Variants in PMVK observed in about 807,000 individuals in gnomAD.
The protein encoded by PMVK is testis tissue sperm-binding protein Li 95mP.
In PMVK, 10 loss-of-function variants were observed where a neutral mutation model predicts 19.0. That is an observed-to-expected ratio of 0.53 (90% CI 0.32 to 0.89). PMVK has a LOEUF of 0.89. Ranked by LOEUF, PMVK falls within the 40% of genes least tolerant of loss-of-function variation. PMVK has a pLI of 0.03. For missense variants in PMVK, 222 were observed against 251.1 expected (o/e 0.88, Z 0.78); for synonymous variants, 108 against 101.6 (o/e 1.06, Z -0.38).
chr1:154,926,405 C>T lies in PMVK; in HGVS notation c.391G>A (p.Val131Ile), dbSNP rs151267286. The T allele has an allele frequency of 7.6e-5, 123 of 1,613,902 alleles. No individual in the cohort carries two copies. Among genetic ancestry groups the T allele is most frequent in the African/African-American group, 4.3e-4 (32 of 75,048 alleles). The change falls in exon 4 of 5, where the codon GTT becomes ATT. Residue 131 changes from valine to isoleucine, a missense_variant. By Grantham distance (29) the Val-to-Ile change is conservative (BLOSUM62 3). Coordinates refer to ENST00000368467, the MANE Select transcript of PMVK (RefSeq NM_006556.4). ...AYGAVTQTVR[V>I]VALEQSRQQR... ...TGTCGGCTCTGCTCCAACGCTACAACGCGGACCGTCTGCGTCACGGCCCCA... is the reference window on the plus strand; with the variant it reads ...TGTCGGCTCTGCTCCAACGCTACAATGCGGACCGTCTGCGTCACGGCCCCA...
intron 1 of PMVK, chr1:154,936,379 T>C (rs1654504050): frequency 1.0e-6 from 1 of 984,906 alleles, no homozygotes; most frequent in Non-Finnish European, 1.2e-6. Flanking sequence ...CTGAAGGTCT[T>C]TGGAGAGGTG....
At chr1:154,936,306 G>A (rs1654502142) in intron 1 of PMVK, 1 of 776,762 alleles carries the variant, frequency 1.3e-6, no homozygotes, top group Non-Finnish European at 1.6e-6. Flanking sequence ...GGTATCCAAC[G>A]CCTGGTATAT....
chr1:154,928,710 T>C (rs1332110254), intron 3 of PMVK, among the ~76,000 whole-genome samples: 3 of 151,796 alleles, frequency 2.0e-5, no homozygotes, highest in Admixed American at 6.6e-5. Flanking sequence ...AGGCAGAGGT[T>C]GCAGTGAGCC....
chr1:154,934,157 G>T (rs1361846315), intron 1 of PMVK, among the ~76,000 whole-genome samples: 1 of 152,016 alleles, frequency 6.6e-6, no homozygotes, highest in Non-Finnish European at 1.5e-5. Context: ...GCGCCACCAC[G>T]TCCCACTAAT....
At chr1:154,930,455 C>T (rs1205509602) in intron 2 of PMVK, among the ~76,000 whole-genome samples, 2 of 152,024 alleles carry the variant, frequency 1.3e-5, no homozygotes, top group South Asian at 2.1e-4. Context: ...AGCGAGACTC[C>T]GTCTCAAATA....
rs530361710 is a variant in PMVK, at chr1:154,936,175, G to A, written c.95+416C>T. On this transcript the variant is annotated intron_variant, in intron 1 of 4. Coordinates refer to ENST00000368467, the MANE Select transcript of PMVK (RefSeq NM_006556.4). ...CGCCTCACTGCAACCTCCGCCTCCC[G>A]GGCTCAAGCGATTCTTCTACCTCAG... Among the ~76,000 whole-genome samples the A allele has an allele frequency of 2.0e-5, 3 of 152,138 alleles. No homozygotes were observed. The East Asian group carries it at 5.8e-4, about 29-fold the overall frequency.
chr1:154,925,366 C>T, intron 4 of PMVK, 101 bp from the exon 5 acceptor site: 4 of 1,286,948 alleles, frequency 3.1e-6, no homozygotes, highest in Non-Finnish European at 4.5e-6. Flanking sequence ...CCGGCCTCTC[C>T]TCTGCTACCC....
upstream of PMVK, among the ~76,000 whole-genome samples, chr1:154,938,387 C>T (rs367972236): frequency 4.6e-5 from 7 of 152,172 alleles, no homozygotes; most frequent in Non-Finnish European, 8.8e-5. Flanking sequence ...GGCAGGAGTT[C>T]GAGACCAGCC....
chr1:154,934,618 T>C (rs1427056935), intron 1 of PMVK, among the ~76,000 whole-genome samples: 1 of 152,210 alleles, frequency 6.6e-6, no homozygotes, highest in East Asian at 1.9e-4. Context: ...CTGCAAGTAG[T>C]GAAGCCAAGA....
chr1:154,930,526 C>G lies in PMVK; in HGVS notation c.160-1350G>C, dbSNP rs138611164. 5.9e-3 allele frequency among the ~76,000 whole-genome samples: 794 copies of G among 134,384 alleles called. 7 individuals are homozygous for G. The highest frequency in any genetic ancestry group is 0.016 in the African/African-American group (593 of 37,152). 88.2% of individuals were successfully genotyped at this position (134,384 alleles called of 152,430 possible). On this transcript the variant is annotated intron_variant, in intron 2 of 4. Coordinates refer to ENST00000368467, the MANE Select transcript of PMVK (RefSeq NM_006556.4). ...CCTGCTCCTTCTTCCTCCCGCCCCCCACCCAACCCCACCAGTCTCACTCAG... is the reference window on the plus strand; with the variant it reads ...CCTGCTCCTTCTTCCTCCCGCCCCCGACCCAACCCCACCAGTCTCACTCAG...
rs755487560 is a variant in PMVK at position 154,925,263 on chromosome 1, C to G, written c.445G>C (p.Val149Leu). ...CCACATTCTGACTCAGCATCGTCCACCCCTATGAAGGAAGCATGGTGAGGT... is the reference window on the plus strand; with the variant it reads ...CCACATTCTGACTCAGCATCGTCCAGCCCTATGAAGGAAGCATGGTGAGGT... ...QQRGWVFTPG[V>L]DDAESECGLD... The change falls in exon 5 of 5, where the codon GTG becomes CTG. Residue 149 changes from valine to leucine, a missense_variant and splice_region_variant. Coordinates refer to ENST00000368467, the MANE Select transcript of PMVK (RefSeq NM_006556.4). 1 of 1,614,036 alleles carries G rather than the reference C, an allele frequency of 6.2e-7. No individual in the cohort carries two copies. Among genetic ancestry groups the G allele is most frequent in the Non-Finnish European group, 8.5e-7 (1 of 1,179,988 alleles).
At chr1:154,927,642 C>A (rs912562307) in intron 3 of PMVK, among the ~76,000 whole-genome samples, 4 of 151,964 alleles carry the variant, frequency 2.6e-5, no homozygotes, top group Non-Finnish European at 5.9e-5. Flanking sequence ...TCCCAAAGGT[C>A]CGCCCTGGGA....
chr1:154,927,472 A>C lies in PMVK; in HGVS notation c.313-989T>G, dbSNP rs1015738796. On this transcript the variant is annotated intron_variant, in intron 3 of 4. Coordinates refer to ENST00000368467, the MANE Select transcript of PMVK (RefSeq NM_006556.4). ...TCAAAAAAAAAAAAAAAAAAAAAAA[A>C]AAAACACAGGAAAGTCCTCCACCCG... is the stretch of plus-strand genomic sequence containing the variant. Among the ~76,000 whole-genome samples the C allele has an allele frequency of 6.7e-5, 10 of 149,560 alleles. No homozygotes were observed. The South Asian group carries it at 1.5e-3, about 22-fold the overall frequency.
In PMVK at chr1:154,926,419, G is replaced by A. The variant is rs764684299; in HGVS notation, c.377C>T (p.Thr126Met). 2.8e-5 allele frequency: 45 copies of A among 1,613,880 alleles called. No individual in the cohort carries two copies. The highest frequency in any genetic ancestry group is 1.8e-4 in the South Asian group (16 of 91,070). Residue 126 changes from threonine (T) to methionine (M), a missense_variant, in exon 4 of 5, where the codon ACG becomes ATG. Transcript: ENST00000368467. The part of the protein sequence containing the change: ...QWFREAYGAV[T>M]QTVRVVALEQ... ...CAACGCTACAACGCGGACCGTCTGC[G>A]TCACGGCCCCATAGGCCTCCCGAAA...
chr1:154,941,595 C>A (rs969767836), upstream of PMVK, among the ~76,000 whole-genome samples: 4 of 152,094 alleles, frequency 2.6e-5, no homozygotes, highest in Non-Finnish European at 4.4e-5. Context: ...TGGCAACAGC[C>A]AGCCAGTCCA....
chr1:154,936,686 G>A lies in PMVK; in HGVS notation c.-1C>T, dbSNP rs761325346. ...GCGGGGCGCCTCCCAGCGGGGCCAT[G>A]GGGCCGCCACGCCTCGCGATGCCTG... On this transcript the variant is annotated 5_prime_UTR_variant, in exon 1 of 5. Coordinates refer to ENST00000368467, the MANE Select transcript of PMVK (RefSeq NM_006556.4). The A allele has an allele frequency of 5.6e-6, 9 of 1,602,416 alleles. No individual in the cohort carries two copies. Among genetic ancestry groups the A allele is most frequent in the South Asian group, 1.1e-5 (1 of 89,090 alleles).
At chr1:154,934,908 A>T (rs1318147981) in intron 1 of PMVK, among the ~76,000 whole-genome samples, 1 of 151,880 alleles carries the variant, frequency 6.6e-6, no homozygotes, top group Admixed American at 6.6e-5. Flanking sequence ...CTAAAAATAC[A>T]AAAGTTAGCT....
At chr1:154,928,974 G>A (rs376811986) in intron 3 of PMVK, 50 bp downstream of exon 3, 76 of 1,564,980 alleles carry the variant, frequency 4.9e-5, no homozygotes, top group East Asian at 6.7e-5. Context: ...TGGACACAGC[G>A]AAGAGCTAGG....
intron 3 of PMVK, among the ~76,000 whole-genome samples, chr1:154,928,499 C>T (rs1051693508): frequency 1.1e-4 from 16 of 152,134 alleles, no homozygotes; most frequent in Non-Finnish European, 1.0e-4. Flanking sequence ...GGGCCGCATG[C>T]AGTGGCTCAC....
Sources: allele counts gnomAD v4.1 joint callset (sites outside exome capture counted in the v4.1 genomes callset), GRCh38; gene constraint gnomAD v4.1.1; transcripts MANE v1.5; gene names NCBI Gene and HGNC (gene_info 2026-07-23, HGNC 2026-07-21).